TSTD2: variants seen among roughly 807,000 people sequenced by gnomAD.
TSTD2 encodes thiosulfate sulfurtransferase/rhodanese-like domain-containing protein 2.
TSTD2 carries 37 observed loss-of-function variants against 47.9 expected under a neutral mutation model. The observed-to-expected ratio is 0.77, with a 90% confidence interval of 0.59 to 1.02. The LOEUF (loss-of-function observed/expected upper bound fraction) is 1.02. TSTD2 is among the 50% of genes least tolerant of loss of function. TSTD2 has a pLI of 0.00. For missense variants in TSTD2, 586 were observed against 616.0 expected (o/e 0.95, Z 0.52); for synonymous variants, 201 against 215.9 (o/e 0.93, Z 0.61).
intron 1 of TSTD2, among the ~76,000 whole-genome samples, chr9:97,630,901 A>C (rs1367304505): frequency 6.6e-6 from 1 of 152,264 alleles, no homozygotes; most frequent in African/African-American, 2.4e-5. Flanking sequence ...CCTTTCTCCC[A>C]AACTACAAAT....
intron 1 of TSTD2, among the ~76,000 whole-genome samples, chr9:97,631,770 A>G (rs1174322445): frequency 6.6e-6 from 1 of 152,138 alleles, no homozygotes; most frequent in Non-Finnish European, 1.5e-5. Context: ...CCTGAACCTA[A>G]AAGGCAGAGG....
chr9:97,617,730 A>AGGAAGGAATATAGGAGAAG (rs1826569433), intron 4 of TSTD2, 27 bp downstream of exon 4: 3 of 1,592,250 alleles, frequency 1.9e-6, no homozygotes, highest in Non-Finnish European at 2.6e-6. Context: ...GACCCAGTGA[A>AGGAAGGAATATAGGAGAAG]GGAAGGAATA....
intron 4 of TSTD2, among the ~76,000 whole-genome samples, chr9:97,617,511 C>T (rs1229746673): frequency 6.6e-6 from 1 of 152,180 alleles, no homozygotes; most frequent in Admixed American, 6.5e-5. Context: ...TTGTGCAACA[C>T]CTAAAATTAT....
intron 6 of TSTD2, chr9:97,610,074 C>T (rs1327834539): frequency 3.8e-6 from 1 of 262,758 alleles, no homozygotes. Context: ...TACACTCTTC[C>T]CAAACTGCTT....
chr9:97,626,208 G>A (rs1479036935), intron 2 of TSTD2, among the ~76,000 whole-genome samples: 2 of 147,942 alleles, frequency 1.4e-5, no homozygotes, highest in African/African-American at 2.7e-5. Flanking sequence ...TTTATATTGA[G>A]GAGGTTAAAT....
chr9:97,604,624 T>C (rs1319803694), intron 9 of TSTD2, 103 bp downstream of exon 9: 10 of 1,508,468 alleles, frequency 6.6e-6, no homozygotes, highest in African/African-American at 2.8e-5. Context: ...TATTCAGTGC[T>C]CAGTAATGAG....
rs1826220543 is a variant in TSTD2 at position 97,600,150 on chromosome 9, ATTCTTTATTAACCCTCC to A, written c.*2302_*2318del. 1.0e-6 allele frequency: 1 copy of A among 1,001,432 alleles called. No homozygotes were observed. The highest frequency in any genetic ancestry group is 1.7e-5 in the African/African-American group (1 of 57,750). The allele number at this position is 1,001,432 out of a possible 1,614,324, so 62.0% of individuals were successfully genotyped here. On this transcript the variant is annotated 3_prime_UTR_variant, in exon 10 of 10. Transcript: ENST00000341170. ...CTATTAGCAAATAAAACTGATTATCATTCTTTATTAACCCTCCTTGGAATTTTGAAAACCTCGATTAA... is the reference window on the plus strand; with the variant it reads ...CTATTAGCAAATAAAACTGATTATCATTGGAATTTTGAAAACCTCGATTAA...
intron 6 of TSTD2, among the ~76,000 whole-genome samples, chr9:97,606,665 C>T (rs576802159): frequency 1.3e-5 from 2 of 152,284 alleles, no homozygotes; most frequent in African/African-American, 2.4e-5. Flanking sequence ...TGTCACTGTA[C>T]ATGGAGGAGC....
intron 4 of TSTD2, among the ~76,000 whole-genome samples, chr9:97,616,534 T>C (rs900767251): frequency 6.6e-6 from 1 of 151,776 alleles, no homozygotes; most frequent in African/African-American, 2.4e-5. Flanking sequence ...AAGTGGTGAG[T>C]GTGGAAGAGA....
At chr9:97,632,364 T>C (rs1314802152) in intron 1 of TSTD2, among the ~76,000 whole-genome samples, 1 of 150,342 alleles carries the variant, frequency 6.7e-6, no homozygotes, top group Non-Finnish European at 1.5e-5. Context: ...GAGTGTGCAA[T>C]GGAAAGTCGT....
chr9:97,602,779 G>A lies in TSTD2; in HGVS notation c.1253-12C>T, dbSNP rs1826288333. On this transcript the variant is annotated splice_polypyrimidine_tract_variant and intron_variant, in intron 9 of 9. Transcript: ENST00000341170. ...ACAGTATGAACACTCTGGGGAGGAA[G>A]GAAAAGCCATCATTATAAACACATA... 1 of 1,591,008 alleles carries A rather than the reference G, an allele frequency of 6.3e-7. No individual in the cohort carries two copies. The highest frequency in any genetic ancestry group is 1.3e-5 in the African/African-American group (1 of 74,206).
In TSTD2 at chr9:97,601,645, A is replaced by G. The variant is rs1826262990; in HGVS notation, c.*824T>C. Reference sequence around the variant, plus strand: ...AGACAGTAAAAATTTCCGATTTTGCAGGCCACATAGTGTCTGTTGCAACTA... The same window carrying G: ...AGACAGTAAAAATTTCCGATTTTGCGGGCCACATAGTGTCTGTTGCAACTA... On this transcript the variant is annotated 3_prime_UTR_variant, in exon 10 of 10. Coordinates refer to ENST00000341170, the MANE Select transcript of TSTD2 (RefSeq NM_139246.5). The G allele has an allele frequency of 2.2e-6, 2 of 917,618 alleles. No individual in the cohort carries two copies. Among genetic ancestry groups the G allele is most frequent in the Non-Finnish European group, 2.6e-6 (2 of 767,460 alleles). The allele number at this position is 917,618 out of a possible 1,614,324, so 56.8% of individuals were successfully genotyped here. A position where few individuals can be genotyped will look rare whatever the true frequency, so the allele number is the denominator to read the frequency against.
rs145009591 is a variant in TSTD2, at chr9:97,602,560, C to T, written c.1460G>A (p.Arg487His). 958 of 1,614,186 alleles carry T rather than the reference C, an allele frequency of 5.9e-4. 1 individual carries two copies. Among genetic ancestry groups the T allele is most frequent in the Non-Finnish European group, 7.0e-4 (831 of 1,180,016 alleles). The change falls in exon 10 of 10, where the codon CGC becomes CAC. Residue 487 changes from arginine to histidine, a missense_variant. Coordinates refer to ENST00000341170, the MANE Select transcript of TSTD2 (RefSeq NM_139246.5). ...ATGCTGCAAGAGTTCCCTAGGTATG[C>T]GTGGCCGTCGGGCTGTGCACTCGCA... Reference protein sequence around the residue: ...EECECTARRPRIPRELLQHVR... With the variant: ...EECECTARRPHIPRELLQHVR...
At chr9:97,624,631 T>A (rs962434041) in intron 3 of TSTD2, among the ~76,000 whole-genome samples, 15 of 152,118 alleles carry the variant, frequency 9.9e-5, no homozygotes, top group African/African-American at 3.6e-4. Flanking sequence ...GCATCCTACT[T>A]AAGTTCATCC....
Position 97,610,432 on chromosome 9 carries a change from T to C in TSTD2, c.749A>G (p.His250Arg). The change falls in exon 6 of 10, where the codon CAC (histidine) becomes CGC (arginine). Residue 250 changes from histidine (H) to arginine (R), a missense_variant. Transcript: ENST00000341170. Reference sequence around the variant, plus strand: ...ACCAACACGCAATTCTGGAAAACAGTGAGCTCCTCCTTTGCTGGTCTAGCC... The same window carrying C: ...ACCAACACGCAATTCTGGAAAACAGCGAGCTCCTCCTTTGCTGGTCTAGCC... ...DDFKTSKGGA[H>R]CFPELRVGVF... The C allele has an allele frequency of 6.3e-7, 1 of 1,581,004 alleles. No homozygotes were observed. The highest frequency in any genetic ancestry group is 8.6e-7 in the Non-Finnish European group (1 of 1,165,804).
intron 9 of TSTD2, chr9:97,603,942 T>C (rs1206975979): frequency 6.6e-6 from 1 of 152,238 alleles, no homozygotes; most frequent in East Asian, 1.9e-4. Flanking sequence ...CCTCCTACCT[T>C]GGCCTCCAAA....
chr9:97,627,738 AAATCAATAGTATTTAC>A (rs1270567883), intron 1 of TSTD2, 126 bp from the exon 2 acceptor site: 1 of 556,346 alleles, frequency 1.8e-6, no homozygotes. Flanking sequence ...TTTACTTACT[AAATCAATAGTATTTAC>A]TTAGGAACGA....
chr9:97,604,487 T>A, intron 9 of TSTD2: 1 of 477,160 alleles, frequency 2.1e-6, no homozygotes, highest in Non-Finnish European at 3.6e-6. Context: ...ATCCCCATGT[T>A]AATGGGCTTG....
intron 7 of TSTD2, 43 bp from the exon 8 acceptor site, chr9:97,605,684 T>C: frequency 1.2e-6 from 2 of 1,613,156 alleles, no homozygotes; most frequent in Non-Finnish European, 1.7e-6. Context: ...CAGAAAAACA[T>C]ACCTGGTAGG....
Sources: gnomAD v4.1 joint callset for allele counts (sites outside exome capture counted in the v4.1 genomes callset) on GRCh38, gnomAD v4.1.1 for gene constraint, MANE v1.5 for transcripts, NCBI Gene and HGNC (gene_info 2026-07-23, HGNC 2026-07-21) for gene names.